Variants in MACROD2 observed in about 807,000 individuals in gnomAD.
The protein encoded by MACROD2 is ADP-ribose glycohydrolase MACROD2.
In MACROD2, 36 loss-of-function variants were observed where a neutral mutation model predicts 70.4. That is an observed-to-expected ratio of 0.51 (90% CI 0.39 to 0.68). MACROD2 has a LOEUF of 0.68. MACROD2 is among the 30% of genes least tolerant of loss of function. The pLI, the probability that MACROD2 is intolerant of heterozygous loss-of-function variation, is 0.00. For missense variants in MACROD2, 496 were observed against 538.4 expected (o/e 0.92, Z 0.78); for synonymous variants, 172 against 178.8 (o/e 0.96, Z 0.30).
At chr20:14,862,368 T>A (rs185029939) in intron 5 of MACROD2, among the ~76,000 whole-genome samples, 64 of 26,510 alleles carry the variant, frequency 2.4e-3, no homozygotes, top group East Asian at 3.2e-3. Context: ...TATAAATATA[T>A]ATAAATATAT....
At chr20:15,528,894 G>C (rs1029085405) in intron 8 of MACROD2, among the ~76,000 whole-genome samples, 1 of 151,992 alleles carries the variant, frequency 6.6e-6, no homozygotes, top group African/African-American at 2.4e-5. Context: ...TACCAATACA[G>C]CATTCTCTCT....
intron 6 of MACROD2, among the ~76,000 whole-genome samples, chr20:15,245,459 C>G (rs2077097633): frequency 6.6e-6 from 1 of 152,146 alleles, no homozygotes; most frequent in Non-Finnish European, 1.5e-5. Flanking sequence ...TTGTTGTATT[C>G]AAATAACTGT....
At chr20:15,456,366 G>A (rs2046726591) in intron 7 of MACROD2, among the ~76,000 whole-genome samples, 1 of 152,120 alleles carries the variant, frequency 6.6e-6, no homozygotes, top group African/African-American at 2.4e-5. Flanking sequence ...GTTCTCTTCT[G>A]CTGATCATCA....
At chr20:14,474,944 C>A (rs2084573854) in intron 3 of MACROD2, among the ~76,000 whole-genome samples, 1 of 152,060 alleles carries the variant, frequency 6.6e-6, no homozygotes, top group Non-Finnish European at 1.5e-5. Context: ...GAATTTAATC[C>A]ATTTATGTTC....
chr20:15,613,478 A>G (rs932439681), intron 8 of MACROD2, among the ~76,000 whole-genome samples: 13 of 152,260 alleles, frequency 8.5e-5, no homozygotes, highest in Non-Finnish European at 1.0e-4. Context: ...TTCTCTCCCT[A>G]TGAACTCTAA....
intron 3 of MACROD2, among the ~76,000 whole-genome samples, chr20:14,206,420 T>C (rs2081523454): frequency 1.3e-5 from 2 of 152,228 alleles, no homozygotes; most frequent in African/African-American, 4.8e-5. Flanking sequence ...TGGGACCATT[T>C]TGGCATATAA....
chr20:15,530,991 AT>A (rs2047790668), intron 8 of MACROD2, among the ~76,000 whole-genome samples: 1 of 144,348 alleles, frequency 6.9e-6, no homozygotes, highest in East Asian at 2.0e-4. Context: ...GTTGAAAAAA[AT>A]AACTTCGCTT....
chr20:15,226,924 TTAAC>T (rs1322364434), intron 5 of MACROD2, among the ~76,000 whole-genome samples: 4 of 152,136 alleles, frequency 2.6e-5, no homozygotes, highest in African/African-American at 9.7e-5. Flanking sequence ...CTGACTGAAT[TTAAC>T]TACTCCACAC....
At chr20:14,421,020 T>A (rs1393838419) in intron 3 of MACROD2, among the ~76,000 whole-genome samples, 1 of 152,220 alleles carries the variant, frequency 6.6e-6, no homozygotes, top group Non-Finnish European at 1.5e-5. Context: ...TACACAAAAG[T>A]TTTACATTCT....
rs573234680 is a variant in MACROD2, at chr20:14,864,085, A to T, written c.418+179126A>T. On this transcript the variant is annotated intron_variant, in intron 5 of 17. Coordinates refer to ENST00000684519, the MANE Select transcript of MACROD2 (RefSeq NM_001351661.2). ...TTCCCTTAGGTGTCCATTTTCTAAA[A>T]TGTGGATGAGAACACTCTCTATGTG... Among the ~76,000 whole-genome samples, 118 of 152,226 alleles carry T rather than the reference A, an allele frequency of 7.8e-4. 1 individual carries two copies. Among genetic ancestry groups the T allele is most frequent in the African/African-American group, 2.8e-3 (116 of 41,558 alleles).
At chr20:15,518,476 GC>G (rs2047600498) in intron 8 of MACROD2, among the ~76,000 whole-genome samples, 1 of 152,176 alleles carries the variant, frequency 6.6e-6, no homozygotes, top group Non-Finnish European at 1.5e-5. Flanking sequence ...TGAAGCAGAG[GC>G]CAAATTATTT....
chr20:15,225,621 G>A (rs2076899150), intron 5 of MACROD2, among the ~76,000 whole-genome samples: 1 of 152,140 alleles, frequency 6.6e-6, no homozygotes, highest in East Asian at 1.9e-4. Flanking sequence ...TAATGTTAGT[G>A]TGCTTTTCTG....
chr20:15,818,717 C>G (rs185053525), intron 8 of MACROD2, among the ~76,000 whole-genome samples: 4 of 152,276 alleles, frequency 2.6e-5, no homozygotes, highest in Non-Finnish European at 5.9e-5. Flanking sequence ...TGAAGTCACT[C>G]TGGTTGAAAC....
At chr20:14,526,624 T>A (rs1259681064) in intron 4 of MACROD2, among the ~76,000 whole-genome samples, 1 of 152,248 alleles carries the variant, frequency 6.6e-6, no homozygotes, top group Admixed American at 6.5e-5. Context: ...GTCTATAATA[T>A]TCCTTATCTC....
At chr20:14,424,194 A>G (rs1253167686) in intron 3 of MACROD2, among the ~76,000 whole-genome samples, 2 of 152,226 alleles carry the variant, frequency 1.3e-5, no homozygotes, top group Non-Finnish European at 2.9e-5. Context: ...GTGCTACTTT[A>G]ACTGTGAATT....
intron 4 of MACROD2, among the ~76,000 whole-genome samples, chr20:14,533,477 A>G (rs2085329916): frequency 6.6e-6 from 1 of 152,360 alleles, no homozygotes; most frequent in African/African-American, 2.4e-5. Context: ...AAAAATGTTT[A>G]GGAAAATAAA....
intron 3 of MACROD2, among the ~76,000 whole-genome samples, chr20:14,489,741 A>G (rs2084773014): frequency 6.6e-6 from 1 of 152,050 alleles, no homozygotes; most frequent in Admixed American, 6.6e-5. Context: ...GGTTTCCCAG[A>G]CTCTTGTGTG....
chr20:14,569,673 G>T (rs1401752209), intron 4 of MACROD2, among the ~76,000 whole-genome samples: 2 of 151,784 alleles, frequency 1.3e-5, no homozygotes, highest in African/African-American at 4.8e-5. Flanking sequence ...GTAAAATGGA[G>T]TTAGGTTAAG....
At chr20:15,008,726 A>G (rs533244407) in intron 5 of MACROD2, among the ~76,000 whole-genome samples, 22 of 152,302 alleles carry the variant, frequency 1.4e-4, no homozygotes, top group African/African-American at 5.3e-4. Context: ...ATGTACTTAA[A>G]GTGGATGGTA....
Sources: gnomAD v4.1 joint callset for allele counts (sites outside exome capture counted in the v4.1 genomes callset) on GRCh38, gnomAD v4.1.1 for gene constraint, MANE v1.5 for transcripts, NCBI Gene and HGNC (gene_info 2026-07-23, HGNC 2026-07-21) for gene names.